NLN: variants seen among roughly 807,000 people sequenced by gnomAD.
NLN encodes neurolysin, mitochondrial.
Under a neutral mutation model 79.9 loss-of-function variants are expected in NLN, and 64 were observed. The observed-to-expected ratio is 0.80, with a 90% CI of 0.65 to 0.99. NLN has a LOEUF of 0.99. NLN is among the 50% of genes least tolerant of loss of function. The pLI is 0.00. For synonymous variants in NLN, 267 were observed against 296.6 expected (o/e 0.90, Z 1.02); for missense variants, 835 against 858.7 (o/e 0.97, Z 0.34).
At position 65,812,243 on chromosome 5, in the gene NLN, CT is replaced by C. The variant is rs1561213269; in HGVS notation, c.1844-5del. On this transcript the variant is annotated splice_polypyrimidine_tract_variant and intron_variant, in intron 11 of 12. Transcript: ENST00000380985. Reference sequence around the variant, plus strand: ...TGCTATCACATTGATTGAAATGTATCTTTTTTTAAAGGCACAAATATGCCAG... The same window carrying C: ...TGCTATCACATTGATTGAAATGTATCTTTTTTAAAGGCACAAATATGCCAG... The C allele has an allele frequency of 6.2e-7, 1 of 1,612,548 alleles. No homozygotes were observed. Among genetic ancestry groups the C allele is most frequent in the Non-Finnish European group, 8.5e-7 (1 of 1,178,700 alleles).
intron 3 of NLN, among the ~76,000 whole-genome samples, chr5:65,776,648 C>T (rs750590501): frequency 4.0e-4 from 61 of 152,240 alleles, no homozygotes; most frequent in Non-Finnish European, 7.6e-4. Context: ...CCAGATGTGC[C>T]ATGTGTATTC....
intron 1 of NLN, among the ~76,000 whole-genome samples, chr5:65,738,183 G>T (rs747167138): frequency 6.6e-6 from 1 of 151,164 alleles, no homozygotes; most frequent in Admixed American, 6.6e-5. Context: ...GAGTGATAAG[G>T]CACATACTAA....
Position 65,802,474 on chromosome 5 carries a change from C to T in NLN, c.1528-7041C>T, listed in dbSNP as rs369397056. 3.9e-5 allele frequency among the ~76,000 whole-genome samples: 6 copies of T among 152,324 alleles called. No homozygotes were observed. In the East Asian group the frequency reaches 7.7e-4, roughly 20 times the overall value. On this transcript the variant is annotated intron_variant, in intron 9 of 12. Transcript: ENST00000380985. Reference sequence around the variant, plus strand: ...TAGCCCCAAAGAAGGTATCACAGCCCTAGCTCAGGGAGCTCCTAGGTCTGG... The same window carrying T: ...TAGCCCCAAAGAAGGTATCACAGCCTTAGCTCAGGGAGCTCCTAGGTCTGG...
intron 6 of NLN, among the ~76,000 whole-genome samples, chr5:65,781,858 T>C (rs1759806723): frequency 6.6e-6 from 1 of 152,192 alleles, no homozygotes; most frequent in Admixed American, 6.5e-5. Context: ...AATTCCCAGT[T>C]ACTGCCTGAA....
At chr5:65,761,417 T>TAA (rs746834834) in intron 2 of NLN, among the ~76,000 whole-genome samples, 8 of 151,922 alleles carry the variant, frequency 5.3e-5, no homozygotes, top group Non-Finnish European at 1.2e-4. Context: ...CTCAGCCTCC[T>TAA]GAGTGGCTGG....
At chr5:65,821,743 A>G (rs776858655) in intron 12 of NLN, among the ~76,000 whole-genome samples, 2 of 152,136 alleles carry the variant, frequency 1.3e-5, no homozygotes, top group Non-Finnish European at 2.9e-5. Context: ...GCTGCAAATG[A>G]TTTCTATTTA....
intron 1 of NLN, among the ~76,000 whole-genome samples, chr5:65,741,198 G>A (rs1758862832): frequency 6.6e-6 from 1 of 152,070 alleles, no homozygotes; most frequent in African/African-American, 2.4e-5. Context: ...AAGTGAGGTA[G>A]TATGATACCT....
chr5:65,827,748 G>C lies in NLN; in HGVS notation c.*4833G>C, dbSNP rs998371398. On this transcript the variant is annotated 3_prime_UTR_variant, in exon 13 of 13. Transcript: ENST00000380985. Reference sequence around the variant, plus strand: ...TAAAATTATTTTGGCCGGGCAAGGTGGGTCACGCCTGTAATCTCAGCACTT... The same window carrying C: ...TAAAATTATTTTGGCCGGGCAAGGTCGGTCACGCCTGTAATCTCAGCACTT... 1 of 152,232 alleles carries C rather than the reference G, an allele frequency of 6.6e-6. No homozygotes were observed. Among genetic ancestry groups the C allele is most frequent in the African/African-American group, 2.4e-5 (1 of 41,464 alleles). 9.4% of individuals were successfully genotyped at this position (152,232 alleles called of 1,614,324 possible).
At chr5:65,819,803 G>T (rs1284450302) in intron 12 of NLN, among the ~76,000 whole-genome samples, 6 of 152,070 alleles carry the variant, frequency 3.9e-5, no homozygotes, top group Non-Finnish European at 7.3e-5. Flanking sequence ...TCACACAAAA[G>T]AGCCTGGTAC....
At chr5:65,770,278 A>T (rs562979241) in intron 3 of NLN, among the ~76,000 whole-genome samples, 1 of 152,362 alleles carries the variant, frequency 6.6e-6, no homozygotes, top group East Asian at 1.9e-4. Flanking sequence ...ACTTTACAAA[A>T]CATGAAACCA....
At chr5:65,795,217 C>T (rs2591932) in intron 9 of NLN, among the ~76,000 whole-genome samples, 112,094 of 151,812 alleles carry the variant, frequency 0.74, 41,989 homozygotes, top group African/African-American at 0.86. Flanking sequence ...TAGCTGGGTG[C>T]GGTAGTGTGG....
At chr5:65,789,493 C>T (rs555482039) in intron 8 of NLN, among the ~76,000 whole-genome samples, 1 of 152,018 alleles carries the variant, frequency 6.6e-6, no homozygotes, top group Admixed American at 6.6e-5. Flanking sequence ...ATATTGACCA[C>T]CACCCAGACA....
intron 9 of NLN, among the ~76,000 whole-genome samples, chr5:65,804,972 T>C (rs1177452317): frequency 1.3e-5 from 2 of 152,212 alleles, no homozygotes; most frequent in East Asian, 1.9e-4. Flanking sequence ...TCCCTTCATG[T>C]CTCTATGTCA....
chr5:65,742,248 G>A (rs1175539271), intron 1 of NLN, among the ~76,000 whole-genome samples: 1 of 148,122 alleles, frequency 6.8e-6, no homozygotes, highest in African/African-American at 2.5e-5. Context: ...TGTAAAAAGA[G>A]TTGAAAATAA....
intron 9 of NLN, among the ~76,000 whole-genome samples, chr5:65,796,360 T>A (rs1760173549): frequency 6.6e-6 from 1 of 152,154 alleles, no homozygotes; most frequent in Non-Finnish European, 1.5e-5. Flanking sequence ...GATAGTCACT[T>A]TAGTACTAGA....
intron 1 of NLN, among the ~76,000 whole-genome samples, chr5:65,740,544 A>G (rs1008781637): frequency 5.9e-5 from 9 of 152,168 alleles, no homozygotes; most frequent in African/African-American, 1.7e-4. Context: ...TTCACAGTTT[A>G]GGATCTTACA....
rs1457872328 is a variant in NLN, at chr5:65,822,888, A to G, written c.2088A>G (p.Leu696=). ...GTGAGCCAAACCAAAAAGCGTTCCT[A>G]ATGAGTAGAGGCCTGCATGCTCCGT... The part of the protein sequence containing the change: ...LKREPNQKAF[L]MSRGLHAP The change falls in exon 13 of 13, where the codon CTA becomes CTG. Residue 696 remains leucine (L), a synonymous_variant. Transcript: ENST00000380985. 7 of 1,613,590 alleles carry G rather than the reference A, an allele frequency of 4.3e-6. No homozygotes were observed. Among genetic ancestry groups the G allele is most frequent in the Admixed American group, 1.7e-5 (1 of 60,002 alleles).
intron 1 of NLN, among the ~76,000 whole-genome samples, chr5:65,730,937 G>A (rs1758591197): frequency 1.3e-5 from 2 of 152,340 alleles, no homozygotes; most frequent in South Asian, 4.1e-4. Context: ...CAAAAATGCT[G>A]TATAACAAAC....
At chr5:65,762,604 G>A (rs1463815018) in intron 2 of NLN, among the ~76,000 whole-genome samples, 1 of 151,768 alleles carries the variant, frequency 6.6e-6, no homozygotes, top group Non-Finnish European at 1.5e-5. Flanking sequence ...GAGGGGTGCT[G>A]AGGCAGGAGG....
Sources: gnomAD v4.1 joint callset for allele counts (sites outside exome capture counted in the v4.1 genomes callset) on GRCh38, gnomAD v4.1.1 for gene constraint, MANE v1.5 for transcripts, NCBI Gene and HGNC (gene_info 2026-07-23, HGNC 2026-07-21) for gene names.